Variants in NKAIN2 observed in about 807,000 individuals in gnomAD.
NKAIN2 encodes sodium/potassium-transporting ATPase subunit beta-1-interacting protein 2.
NKAIN2 carries 14 observed loss-of-function variants against 32.6 expected under a neutral mutation model. The ratio of observed to expected loss-of-function variants is 0.43; its 90% CI spans 0.28 to 0.67. The LOEUF (loss-of-function observed/expected upper bound fraction) is 0.67, where lower values mean the gene tolerates loss of function less well. NKAIN2 is among the 30% of genes least tolerant of loss of function. The pLI is 0.17. For synonymous variants in NKAIN2, 80 were observed against 87.2 expected, an observed-to-expected ratio of 0.92 and a Z score of 0.46; for missense variants, 198 against 258.3, an observed-to-expected ratio of 0.77 and a Z score of 1.60.
chr6:124,474,991 A>G (rs538737368), intron 3 of NKAIN2, among the ~76,000 whole-genome samples: 5 of 150,092 alleles, frequency 3.3e-5, no homozygotes, highest in Non-Finnish European at 5.9e-5. Flanking sequence ...ATATATATAT[A>G]TGTATATAAT....
intron 2 of NKAIN2, among the ~76,000 whole-genome samples, chr6:124,320,433 C>T (rs757390814): frequency 1.1e-4 from 16 of 152,060 alleles, no homozygotes; most frequent in South Asian, 6.2e-4. Flanking sequence ...TTGCAACACT[C>T]CAAGAGTTCT....
chr6:124,351,272 T>A (rs905241472), intron 2 of NKAIN2, among the ~76,000 whole-genome samples: 2 of 151,992 alleles, frequency 1.3e-5, no homozygotes, highest in African/African-American at 4.8e-5. Context: ...ATGAGAAGTT[T>A]GAGAGGCTGA....
chr6:124,612,914 C>G (rs1454821262), intron 3 of NKAIN2, among the ~76,000 whole-genome samples: 1 of 152,040 alleles, frequency 6.6e-6, no homozygotes, highest in African/African-American at 2.4e-5. Context: ...GGAACACCAA[C>G]TCTGAAAATA....
At chr6:124,411,890 C>A (rs1004383949) in intron 3 of NKAIN2, among the ~76,000 whole-genome samples, 4 of 151,964 alleles carry the variant, frequency 2.6e-5, no homozygotes, top group Non-Finnish European at 5.9e-5. Context: ...TCTTTTTATT[C>A]TTTTTCTCTA....
At chr6:124,632,754 C>T (rs921396648) in intron 3 of NKAIN2, among the ~76,000 whole-genome samples, 1 of 152,150 alleles carries the variant, frequency 6.6e-6, no homozygotes, top group African/African-American at 2.4e-5. Context: ...TTTGTCCCCA[C>T]AAATTCTAAG....
intron 4 of NKAIN2, among the ~76,000 whole-genome samples, chr6:124,711,172 G>A (rs1397643405): frequency 2.9e-5 from 4 of 138,488 alleles, no homozygotes; most frequent in Non-Finnish European, 4.6e-5. Context: ...ACTCTCTTCT[G>A]GCTTGTAGCG....
intron 1 of NKAIN2, among the ~76,000 whole-genome samples, chr6:124,254,020 T>C (rs185701744): frequency 2.2e-3 from 340 of 152,084 alleles, no homozygotes; most frequent in African/African-American, 7.8e-3. Context: ...TTTCACAATG[T>C]TGGCCAAGAT....
rs1334915196 is a variant in NKAIN2, at chr6:124,372,061, T to C, written c.273+16714T>C. ...CATGAAGATTGAGAAAGGAAGGGAG[T>C]AAAACAATTACATATTTAAAAATAA... On this transcript the variant is annotated intron_variant, in intron 3 of 6. Transcript: ENST00000368417. Among the ~76,000 whole-genome samples the C allele has an allele frequency of 3.3e-5, 5 of 151,980 alleles. No homozygotes were observed. In the East Asian group the frequency reaches 9.7e-4, roughly 29 times the overall value.
At chr6:124,110,570 T>C (rs191426) in intron 1 of NKAIN2, among the ~76,000 whole-genome samples, 101,738 of 151,812 alleles carry the variant, frequency 0.67, 34,236 homozygotes, top group East Asian at 0.74. Flanking sequence ...TAGTAGTCCC[T>C]AGTGTCTGTT....
intron 1 of NKAIN2, among the ~76,000 whole-genome samples, chr6:123,819,688 T>C (rs1406930018): frequency 6.6e-6 from 1 of 152,156 alleles, no homozygotes; most frequent in Non-Finnish European, 1.5e-5. Flanking sequence ...AGATGCCCCA[T>C]ACCAGCAGGG....
At chr6:123,845,137 C>T (rs7759596) in intron 1 of NKAIN2, among the ~76,000 whole-genome samples, 80,028 of 152,050 alleles carry the variant, frequency 0.53, 21,470 homozygotes, top group East Asian at 0.72. Flanking sequence ...TAGGTTTATA[C>T]GCTTGGAGTG....
intron 3 of NKAIN2, among the ~76,000 whole-genome samples, chr6:124,433,063 C>T (rs1027143572): frequency 6.6e-6 from 1 of 152,136 alleles, no homozygotes; most frequent in Admixed American, 6.6e-5. Flanking sequence ...GGAAGGCAAA[C>T]TGGCAGGTTA....
chr6:124,437,725 A>G (rs1775509820), intron 3 of NKAIN2, among the ~76,000 whole-genome samples: 1 of 152,128 alleles, frequency 6.6e-6, no homozygotes, highest in African/African-American at 2.4e-5. Context: ...GAGGTAAGGC[A>G]TGTGCTTTGT....
At chr6:124,761,946 A>G (rs908683234) in intron 4 of NKAIN2, among the ~76,000 whole-genome samples, 3 of 152,020 alleles carry the variant, frequency 2.0e-5, no homozygotes, top group Non-Finnish European at 2.9e-5. Context: ...AGTGTCCTTT[A>G]TCTCCTTATC....
At chr6:123,818,647 A>G (rs1773798785) in intron 1 of NKAIN2, among the ~76,000 whole-genome samples, 1 of 152,124 alleles carries the variant, frequency 6.6e-6, no homozygotes, top group South Asian at 2.1e-4. Flanking sequence ...GTGGACTCTA[A>G]TTTGCATGCC....
intron 1 of NKAIN2, among the ~76,000 whole-genome samples, chr6:124,259,904 A>G (rs1794150809): frequency 6.6e-6 from 1 of 152,184 alleles, no homozygotes; most frequent in Non-Finnish European, 1.5e-5. Flanking sequence ...AAGACACTCT[A>G]ATGCCAAGGG....
intron 1 of NKAIN2, among the ~76,000 whole-genome samples, chr6:123,992,791 T>C (rs1779467351): frequency 6.6e-6 from 1 of 152,198 alleles, no homozygotes; most frequent in Non-Finnish European, 1.5e-5. Flanking sequence ...TAGTGGGAGT[T>C]AAGTGGAGTT....
intron 4 of NKAIN2, among the ~76,000 whole-genome samples, chr6:124,702,846 C>T (rs1774868382): frequency 6.6e-6 from 1 of 152,024 alleles, no homozygotes; most frequent in Admixed American, 6.6e-5. Context: ...ACTACAGCGA[C>T]ATTATTTCAA....
chr6:124,613,269 G>A (rs1782758220), intron 3 of NKAIN2, among the ~76,000 whole-genome samples: 1 of 152,166 alleles, frequency 6.6e-6, no homozygotes. Context: ...GATGCTATTA[G>A]ACAGTCCATT....
Sources: allele counts gnomAD v4.1 joint callset (sites outside exome capture counted in the v4.1 genomes callset), GRCh38; gene constraint gnomAD v4.1.1; transcripts MANE v1.5; gene names NCBI Gene and HGNC (gene_info 2026-07-23, HGNC 2026-07-21).